TRPM3: variants seen among roughly 807,000 people sequenced by gnomAD.
TRPM3 encodes transient receptor potential cation channel subfamily M member 3.
TRPM3 carries 77 observed loss-of-function variants against 181.2 expected under a neutral mutation model. That is an observed-to-expected ratio of 0.42 (90% CI 0.35 to 0.51). The LOEUF is 0.51. Ranked by LOEUF, TRPM3 falls within the 20% of genes least tolerant of loss-of-function variation. The pLI is 0.01. For synonymous variants in TRPM3, 745 were observed against 796.4 expected (o/e 0.94, Z 1.09); for missense variants, 1,759 against 2,196.7 (o/e 0.80, Z 3.98).
At chr9:71,135,295 G>A (rs1050311189) in intron 1 of TRPM3, among the ~76,000 whole-genome samples, 5 of 152,060 alleles carry the variant, frequency 3.3e-5, no homozygotes, top group Admixed American at 6.6e-5. Flanking sequence ...CTGTTGGGGG[G>A]ACAGAGAGAA....
intron 1 of TRPM3, among the ~76,000 whole-genome samples, chr9:71,213,346 A>C (rs1287248198): frequency 6.6e-6 from 1 of 152,240 alleles, no homozygotes; most frequent in Non-Finnish European, 1.5e-5. Context: ...TGGGCTCTAA[A>C]AAAACAGCAG....
chr9:70,957,347 T>C (rs979302563), intron 1 of TRPM3, among the ~76,000 whole-genome samples: 1 of 152,126 alleles, frequency 6.6e-6, no homozygotes, highest in Admixed American at 6.6e-5. Context: ...GGAGAACCCA[T>C]GAACTGTGAA....
At chr9:71,054,702 G>T (rs2060461889) in intron 1 of TRPM3, among the ~76,000 whole-genome samples, 1 of 152,078 alleles carries the variant, frequency 6.6e-6, no homozygotes, top group Non-Finnish European at 1.5e-5. Context: ...AAAGGAGCTT[G>T]CAATTTCACT....
At chr9:70,606,753 G>A (rs1213593762) in intron 19 of TRPM3, among the ~76,000 whole-genome samples, 1 of 151,860 alleles carries the variant, frequency 6.6e-6, no homozygotes, top group Non-Finnish European at 1.5e-5. Flanking sequence ...GTCAGTAGGA[G>A]AACTCTAAGA....
intron 9 of TRPM3, among the ~76,000 whole-genome samples, chr9:70,675,249 C>T (rs529620209): frequency 6.6e-6 from 1 of 152,182 alleles, no homozygotes; most frequent in East Asian, 1.9e-4. Flanking sequence ...TACAGTCACG[C>T]ACTGCCATGC....
At chr9:71,425,397 G>A (rs996744904) in intron 1 of TRPM3, among the ~76,000 whole-genome samples, 1 of 152,004 alleles carries the variant, frequency 6.6e-6, no homozygotes, top group Non-Finnish European at 1.5e-5. Context: ...ATGTGTTCAG[G>A]ATTTCTATAA....
rs910819321 is a variant in TRPM3 at position 70,629,220 on chromosome 9, G to A, written c.1633-3703C>T. Among the ~76,000 whole-genome samples, 455 of 75,254 alleles carry A rather than the reference G, an allele frequency of 6.0e-3. 89 individuals are homozygous for A. Among genetic ancestry groups the A allele is most frequent in the African/African-American group, 0.02 (433 of 21,500 alleles). 49.4% of individuals were successfully genotyped at this position (75,254 alleles called of 152,430 possible). On this transcript the variant is annotated intron_variant, in intron 12 of 25. Transcript: ENST00000677713. ...AATGATTCTGTGACCAGTGCCGGGG[G>A]GGGGGGGGGCCTGCGTTCTGTTTGA... is the stretch of plus-strand genomic sequence containing the variant.
At chr9:70,615,323 G>A (rs140877687) in intron 18 of TRPM3, among the ~76,000 whole-genome samples, 1 of 152,196 alleles carries the variant, frequency 6.6e-6, no homozygotes, top group Non-Finnish European at 1.5e-5. Flanking sequence ...TGGCAGTCAC[G>A]CTGCTCAGGC....
At chr9:70,642,275 C>G (rs2058174981) in intron 9 of TRPM3, among the ~76,000 whole-genome samples, 1 of 152,110 alleles carries the variant, frequency 6.6e-6, no homozygotes, top group African/African-American at 2.4e-5. Flanking sequence ...GGAGGTGGAA[C>G]AGCCAAAGAT....
chr9:70,938,875 A>T (rs1341578977), intron 1 of TRPM3, among the ~76,000 whole-genome samples: 2 of 151,798 alleles, frequency 1.3e-5, no homozygotes, highest in African/African-American at 4.8e-5. Flanking sequence ...GGAGAATGGC[A>T]TGAACCTGGG....
chr9:70,692,254 G>A (rs2068826248), intron 8 of TRPM3, among the ~76,000 whole-genome samples: 1 of 152,132 alleles, frequency 6.6e-6, no homozygotes, highest in Non-Finnish European at 1.5e-5. Flanking sequence ...TAGATGTGTT[G>A]TAGTTCACTT....
chr9:71,053,781 G>T (rs1370279288), intron 1 of TRPM3, among the ~76,000 whole-genome samples: 2 of 152,062 alleles, frequency 1.3e-5, no homozygotes, highest in East Asian at 1.9e-4. Flanking sequence ...ACCAGCGGAT[G>T]CAATGACTGA....
At chr9:71,070,207 A>T (rs1248439861) in intron 1 of TRPM3, among the ~76,000 whole-genome samples, 1 of 152,252 alleles carries the variant, frequency 6.6e-6, no homozygotes, top group African/African-American at 2.4e-5. Context: ...ATCCTTGATC[A>T]GCAGAAAACA....
chr9:71,222,693 C>T (rs1210570612), intron 1 of TRPM3, among the ~76,000 whole-genome samples: 1 of 152,142 alleles, frequency 6.6e-6, no homozygotes, highest in Non-Finnish European at 1.5e-5. Context: ...TTGACAACAC[C>T]ATCACTCCCC....
chr9:70,598,454 A>T lies in TRPM3; in HGVS notation c.3013T>A (p.Tyr1005Asn), dbSNP rs1276857309. 6.2e-7 allele frequency: 1 copy of T among 1,614,134 alleles called. No homozygotes were observed. Among genetic ancestry groups the T allele is most frequent in the African/African-American group, 1.3e-5 (1 of 75,022 alleles). The change falls in exon 21 of 26, where the codon TAT becomes AAT. Residue 1005 changes from tyrosine to asparagine, a missense_variant. Around this residue, in one of 8 missense-constraint regions of TRPM3, gnomAD observed 94 missense variants for 221.3 expected, o/e 0.42. Transcript: ENST00000677713. ...ATCATCATTACATACGGGCCCAAAT[A>T]CTTGTTCACGCCGAAGATGTCTAGG... The part of the protein sequence containing the change: ...RLLDIFGVNK[Y>N]LGPYVMMIGK...
chr9:70,993,165 T>C (rs944613619), intron 1 of TRPM3, among the ~76,000 whole-genome samples: 36 of 152,228 alleles, frequency 2.4e-4, no homozygotes, highest in African/African-American at 7.9e-4. Flanking sequence ...CCAAGTACAA[T>C]GGGAAGTCAT....
chr9:71,276,354 A>T (rs2132161072), intron 1 of TRPM3, among the ~76,000 whole-genome samples: 1 of 152,344 alleles, frequency 6.6e-6, no homozygotes, highest in South Asian at 2.1e-4. Flanking sequence ...TTATGAAGGG[A>T]AAGATTGTAT....
intron 6 of TRPM3, chr9:70,826,708 C>T (rs1475442503): frequency 6.6e-6 from 1 of 152,206 alleles, no homozygotes; most frequent in African/African-American, 2.4e-5. Context: ...AGTTGAATCA[C>T]AGTACATAGA....
Position 70,598,498 on chromosome 9 carries a change from A to G in TRPM3, c.2969T>C (p.Ile990Thr). ...GTCTAGGAGACGGATATACCAGTAA[A>G]TGATGTTCACGCAGTAGATGACCCT... is the stretch of plus-strand genomic sequence containing the variant. ...DGRVIYCVNI[I>T]YWYIRLLDIF... Residue 990 changes from isoleucine (I) to threonine (T), a missense_variant, in exon 21 of 26, where the codon ATT (isoleucine) becomes ACT (threonine). Coordinates refer to ENST00000677713, the MANE Select transcript of TRPM3 (RefSeq NM_001366145.2). The G allele has an allele frequency of 1.9e-6, 3 of 1,614,252 alleles. No individual in the cohort carries two copies. The highest frequency in any genetic ancestry group is 2.5e-6 in the Non-Finnish European group (3 of 1,180,054).
Sources: gnomAD v4.1 joint callset for allele counts (sites outside exome capture counted in the v4.1 genomes callset) on GRCh38, gnomAD v4.1.1 for gene constraint, gnomAD v4.1.1 regional missense constraint, MANE v1.5 for transcripts, NCBI Gene and HGNC (gene_info 2026-07-23, HGNC 2026-07-21) for gene names.